Variants in GRID2 observed in about 807,000 individuals in gnomAD.
GRID2 encodes the protein glutamate receptor ionotropic, delta-2.
GRID2 carries 33 observed loss-of-function variants against 114.8 expected under a neutral mutation model. The ratio of observed to expected loss-of-function variants is 0.29; its 90% CI spans 0.22 to 0.38. The LOEUF (loss-of-function observed/expected upper bound fraction) is 0.38. Among genes scored for constraint, GRID2 ranks in the 10% least tolerant of loss-of-function variants. GRID2 has a pLI of 1.00. For missense variants in GRID2, 1,184 were observed against 1,257.7 expected (o/e 0.94, Z 0.89); for synonymous variants, 505 against 449.9 (o/e 1.12, Z -1.55).
intron 8 of GRID2, among the ~76,000 whole-genome samples, chr4:93,329,986 A>G (rs1239796986): frequency 6.6e-6 from 1 of 152,180 alleles, no homozygotes; most frequent in Non-Finnish European, 1.5e-5. Context: ...GGCAATTTAT[A>G]TGGATCACTA....
At chr4:92,306,285 G>A (rs1204879423) in intron 1 of GRID2, among the ~76,000 whole-genome samples, 1 of 152,226 alleles carries the variant, frequency 6.6e-6, no homozygotes, top group Admixed American at 6.5e-5. Context: ...CCTAGCGTTT[G>A]TGCATTAAGT....
chr4:93,219,075 T>A (rs1428664086), intron 6 of GRID2, among the ~76,000 whole-genome samples: 11 of 152,152 alleles, frequency 7.2e-5, no homozygotes, highest in Admixed American at 6.5e-4. Context: ...CATATCAATA[T>A]GCTTATAATG....
chr4:93,611,885 T>C (rs1446644304), intron 13 of GRID2, among the ~76,000 whole-genome samples: 1 of 151,760 alleles, frequency 6.6e-6, no homozygotes, highest in Non-Finnish European at 1.5e-5. Flanking sequence ...ACTTTCTGTC[T>C]CATGGATCTG....
rs749542291 is a variant in GRID2 at position 93,697,869 on chromosome 4, G to GTATATATATATATATA, written c.2361-71330_2361-71329insATATATATATATATAT. Among the ~76,000 whole-genome samples, 91 of 122,690 alleles carry GTATATATATATATATA rather than the reference G, an allele frequency of 7.4e-4. 5 individuals are homozygous for GTATATATATATATATA. The highest frequency in any genetic ancestry group is 3.2e-3 in the East Asian group (10 of 3,154). 80.5% of individuals were successfully genotyped at this position (122,690 alleles called of 152,430 possible). On this transcript the variant is annotated intron_variant, in intron 14 of 15. Transcript: ENST00000282020. ...TCAATTTAGTCATTCCACAATGTGT[G>GTATATATATATATATA]TATATATATATTTCAAAACAATACG...
At chr4:93,042,277 C>T (rs61704397) in intron 2 of GRID2, among the ~76,000 whole-genome samples, 56 of 62,344 alleles carry the variant, frequency 9.0e-4, no homozygotes, top group Middle Eastern at 0.015. Flanking sequence ...CTCTCTCTTT[C>T]TCTCTCTCTC....
intron 2 of GRID2, among the ~76,000 whole-genome samples, chr4:92,593,553 C>T (rs1728807224): frequency 6.6e-6 from 1 of 151,790 alleles, no homozygotes; most frequent in South Asian, 2.1e-4. Flanking sequence ...TAGACAGATA[C>T]CTCAGTTATA....
intron 4 of GRID2, among the ~76,000 whole-genome samples, chr4:93,145,636 CT>C (rs992885803): frequency 2.5e-5 from 1 of 40,262 alleles, no homozygotes; most frequent in African/African-American, 8.6e-5. Context: ...TTTTGTATTT[CT>C]TTTTTCCTTT....
At chr4:93,638,321 A>ATTTTTTTTTTTTTTTTTT (rs1560850925) in intron 14 of GRID2, among the ~76,000 whole-genome samples, 7 of 45,456 alleles carry the variant, frequency 1.5e-4, no homozygotes, top group East Asian at 3.3e-4. Flanking sequence ...TTTTTTTTTA[A>ATTTTTTTTTTTTTTTTTT]TTATACTCTA....
intron 10 of GRID2, among the ~76,000 whole-genome samples, chr4:93,436,349 A>G (rs941516932): frequency 1.6e-4 from 24 of 152,256 alleles, no homozygotes; most frequent in African/African-American, 5.3e-4. Flanking sequence ...GTTCCAATAC[A>G]GAGCCTCAGC....
chr4:93,526,508 C>G (rs1204718336), intron 13 of GRID2, among the ~76,000 whole-genome samples: 1 of 152,292 alleles, frequency 6.6e-6, no homozygotes, highest in South Asian at 2.1e-4. Flanking sequence ...ATCTTTATGA[C>G]TTCCTTCTTT....
intron 1 of GRID2, among the ~76,000 whole-genome samples, chr4:92,474,660 C>A (rs1722207844): frequency 6.6e-6 from 1 of 151,974 alleles, no homozygotes; most frequent in Non-Finnish European, 1.5e-5. Flanking sequence ...CCCTTTTCTC[C>A]ATTTCCTCAC....
chr4:93,534,501 A>G (rs1382133340), intron 13 of GRID2, among the ~76,000 whole-genome samples: 1 of 152,106 alleles, frequency 6.6e-6, no homozygotes, highest in African/African-American at 2.4e-5. Flanking sequence ...CCTGCACTAG[A>G]ATGTAAACTT....
chr4:93,225,614 T>C (rs114265593), intron 7 of GRID2, among the ~76,000 whole-genome samples: 543 of 152,148 alleles, frequency 3.6e-3, no homozygotes, highest in Non-Finnish European at 5.6e-3. Flanking sequence ...CAAAGAAAAA[T>C]AGCTAGTCAA....
intron 14 of GRID2, among the ~76,000 whole-genome samples, chr4:93,694,280 C>T (rs967948708): frequency 1.3e-5 from 2 of 152,118 alleles, no homozygotes; most frequent in Non-Finnish European, 2.9e-5. Context: ...TGGCCATGTA[C>T]CCAACCAACC....
rs74921371 is a variant in GRID2 at position 92,453,422 on chromosome 4, G to A, written c.89-136709G>A. ...TTAGCAGAGAATGGGTTCATACAGA[G>A]TATGGCCTCACGTATGTATATTCAC... On this transcript the variant is annotated intron_variant, in intron 1 of 15. Coordinates refer to ENST00000282020, the MANE Select transcript of GRID2 (RefSeq NM_001510.4). 2.8e-3 allele frequency among the ~76,000 whole-genome samples: 431 copies of A among 152,172 alleles called. 1 individual carries two copies. Among genetic ancestry groups the A allele is most frequent in the African/African-American group, 9.8e-3 (408 of 41,514 alleles).
chr4:93,804,774 T>A (rs1373367882), intron 1 of GRID2, among the ~76,000 whole-genome samples: 1 of 152,154 alleles, frequency 6.6e-6, no homozygotes, highest in Non-Finnish European at 1.5e-5. Context: ...CCTCAACCTT[T>A]CAAAAGCCTA....
chr4:93,474,287 ATTAC>A (rs1018193158), intron 11 of GRID2, among the ~76,000 whole-genome samples: 1 of 152,116 alleles, frequency 6.6e-6, no homozygotes, highest in African/African-American at 2.4e-5. Context: ...TTATTCACCT[ATTAC>A]TTCTCTTACT....
intron 2 of GRID2, among the ~76,000 whole-genome samples, chr4:92,946,670 T>A (rs1222574801): frequency 6.6e-6 from 1 of 152,092 alleles, no homozygotes; most frequent in Non-Finnish European, 1.5e-5. Flanking sequence ...AGACATAAAC[T>A]GTTTTCTGCA....
intron 14 of GRID2, among the ~76,000 whole-genome samples, chr4:93,727,248 TG>T (rs2110211831): frequency 6.6e-6 from 1 of 152,314 alleles, no homozygotes; most frequent in Admixed American, 6.5e-5. Flanking sequence ...GATAATCATG[TG>T]GTTTTTGTTT....
Sources: gnomAD v4.1 joint callset for allele counts (sites outside exome capture counted in the v4.1 genomes callset) on GRCh38, gnomAD v4.1.1 for gene constraint, MANE v1.5 for transcripts, NCBI Gene and HGNC (gene_info 2026-07-23, HGNC 2026-07-21) for gene names.